Variants in WIPF3 observed in about 807,000 individuals in gnomAD.
WIPF3 encodes the protein WAS/WASL-interacting protein family member 3.
In WIPF3, 33 loss-of-function variants were observed where a neutral mutation model predicts 38.9. The ratio of observed to expected loss-of-function variants is 0.85; its 90% confidence interval spans 0.64 to 1.14. The LOEUF (loss-of-function observed/expected upper bound fraction) is 1.14, where lower values mean the gene tolerates loss of function less well. WIPF3 is among the 50% of genes most tolerant of loss of function. The pLI is 0.00. For missense variants in WIPF3, 711 were observed against 652.5 expected (o/e 1.09, Z -0.98); for synonymous variants, 324 against 269.3 (o/e 1.20, Z -1.99).
intron 4 of WIPF3, among the ~76,000 whole-genome samples, chr7:29,880,280 TCTAA>T (rs1405608369): frequency 2.0e-5 from 3 of 152,202 alleles, no homozygotes; most frequent in Non-Finnish European, 4.4e-5. Context: ...ATGCGACTTT[TCTAA>T]CTTTTTCAGT....
chr7:29,876,281 A>G (rs1232615536), intron 3 of WIPF3, among the ~76,000 whole-genome samples: 3 of 152,264 alleles, frequency 2.0e-5, no homozygotes, highest in Non-Finnish European at 2.9e-5. Context: ...GTGTTCAATC[A>G]GTGCCAATTA....
rs1485777166 is a variant in WIPF3, at chr7:29,817,772, C to T, written c.-58+11094C>T. ...TATGGCTTTATTATTTGTTTATTAT[C>T]CAATGATTTTATTTTTCCATGTAAA... is the stretch of plus-strand genomic sequence containing the variant. On this transcript the variant is annotated intron_variant, in intron 1 of 8. Transcript: ENST00000242140. Among the ~76,000 whole-genome samples, 3 of 152,084 alleles carry T rather than the reference C, an allele frequency of 2.0e-5. No individual in the cohort carries two copies. The South Asian group carries it at 6.2e-4, about 32-fold the overall frequency.
At chr7:29,903,529 A>G (rs2128080537) in intron 7 of WIPF3, among the ~76,000 whole-genome samples, 1 of 151,966 alleles carries the variant, frequency 6.6e-6, no homozygotes, top group Admixed American at 6.5e-5. Context: ...CTAGTTCATG[A>G]CAGAAACAGA....
chr7:29,834,729 C>T lies in WIPF3; in HGVS notation c.5C>T (p.Pro2Leu), dbSNP rs563114242. 5.3e-6 allele frequency: 8 copies of T among 1,513,618 alleles called. No individual in the cohort carries two copies. In the East Asian group the frequency reaches 1.0e-4, roughly 19 times the overall value. 93.8% of individuals were successfully genotyped at this position (1,513,618 alleles called of 1,614,324 possible). The change falls in exon 2 of 9, where the codon CCA becomes CTA. Residue 2 changes from proline to leucine, a missense_variant. Transcript: ENST00000242140. ...GAGACATCAACACCGTGACACATGCCAGTGCCACCGCCACCCCCACCTCCT... is the reference window on the plus strand; with the variant it reads ...GAGACATCAACACCGTGACACATGCTAGTGCCACCGCCACCCCCACCTCCT... MPVPPPPPPPLP... is the reference protein window; with the variant it reads MLVPPPPPPPLP...
intron 1 of WIPF3, among the ~76,000 whole-genome samples, chr7:29,817,125 T>C (rs967255965): frequency 1.3e-5 from 2 of 152,230 alleles, no homozygotes; most frequent in Non-Finnish European, 2.9e-5. Flanking sequence ...TCTTTGAATG[T>C]GTTTAATTGC....
intron 8 of WIPF3, 65 bp from the exon 9 acceptor site, chr7:29,914,428 A>G: frequency 7.6e-7 from 1 of 1,319,476 alleles, no homozygotes; most frequent in Non-Finnish European, 1.0e-6. Flanking sequence ...GGGGTGGAGG[A>G]GGAAGGCTTT....
At chr7:29,893,262 T>C (rs1041382922) in intron 7 of WIPF3, among the ~76,000 whole-genome samples, 1 of 151,028 alleles carries the variant, frequency 6.6e-6, no homozygotes, top group Admixed American at 6.6e-5. Context: ...GGGGAGGTGA[T>C]GGGATTCCTG....
chr7:29,813,939 G>C (rs1426825418), intron 1 of WIPF3, among the ~76,000 whole-genome samples: 2 of 102,078 alleles, frequency 2.0e-5, no homozygotes, highest in Non-Finnish European at 4.2e-5. Context: ...TTTTTTTTTT[G>C]AGACAGGGTT....
intron 8 of WIPF3, among the ~76,000 whole-genome samples, chr7:29,908,461 G>A (rs1050221293): frequency 4.6e-5 from 7 of 152,264 alleles, no homozygotes; most frequent in African/African-American, 1.4e-4. Context: ...GATAAGGAAA[G>A]AAATAGAGAA....
At chr7:29,881,256 C>G (rs1254853800) in intron 4 of WIPF3, among the ~76,000 whole-genome samples, 1 of 152,198 alleles carries the variant, frequency 6.6e-6, no homozygotes, top group Non-Finnish European at 1.5e-5. Context: ...CATGTATTCA[C>G]TGGTTTATCT....
chr7:29,903,880 T>C (rs1053575216), intron 7 of WIPF3, among the ~76,000 whole-genome samples: 1 of 152,200 alleles, frequency 6.6e-6, no homozygotes, highest in African/African-American at 2.4e-5. Flanking sequence ...TGTGTAATAC[T>C]TAAGCACAGC....
chr7:29,883,070 A>C (rs1473675328), intron 4 of WIPF3, among the ~76,000 whole-genome samples: 1 of 152,254 alleles, frequency 6.6e-6, no homozygotes, highest in Non-Finnish European at 1.5e-5. Flanking sequence ...GACGTGCTCC[A>C]CCTGAGTCTT....
intron 8 of WIPF3, among the ~76,000 whole-genome samples, chr7:29,908,500 T>C (rs1320264833): frequency 6.6e-6 from 1 of 152,140 alleles, no homozygotes; most frequent in Non-Finnish European, 1.5e-5. Flanking sequence ...AACAGACATA[T>C]ACAGTACAGT....
chr7:29,909,312 A>G (rs938622388), intron 8 of WIPF3, among the ~76,000 whole-genome samples: 2 of 152,196 alleles, frequency 1.3e-5, no homozygotes, highest in Non-Finnish European at 2.9e-5. Flanking sequence ...ACAGAGATCA[A>G]TGAAATAGAG....
intron 2 of WIPF3, among the ~76,000 whole-genome samples, chr7:29,846,267 A>T (rs1297982355): frequency 1.3e-5 from 2 of 152,244 alleles, no homozygotes; most frequent in Non-Finnish European, 2.9e-5. Context: ...AAAAATTCAC[A>T]GAAAGGAACA....
intron 1 of WIPF3, among the ~76,000 whole-genome samples, chr7:29,814,709 T>C (rs174923): frequency 0.3 from 45,878 of 152,106 alleles, 8,093 homozygotes; most frequent in Middle Eastern, 0.46. Context: ...TTTTGGGGGA[T>C]GAGAGATAGT....
chr7:29,863,415 T>C (rs548464962), intron 2 of WIPF3, among the ~76,000 whole-genome samples: 1 of 152,384 alleles, frequency 6.6e-6, no homozygotes, highest in African/African-American at 2.4e-5. Flanking sequence ...AGTTTTCATA[T>C]GAACATAAAT....
At chr7:29,902,023 G>A (rs1049770163) in intron 7 of WIPF3, among the ~76,000 whole-genome samples, 4 of 151,988 alleles carry the variant, frequency 2.6e-5, no homozygotes, top group Admixed American at 6.6e-5. Flanking sequence ...GGGCTGGGGT[G>A]TGCAACTGGC....
Position 29,888,151 on chromosome 7 carries a change from G to A in WIPF3, c.1183G>A (p.Ala395Thr), listed in dbSNP as rs1394050239. The A allele has an allele frequency of 1.2e-6, 2 of 1,613,584 alleles. No individual in the cohort carries two copies. The highest frequency in any genetic ancestry group is 1.7e-6 in the Non-Finnish European group (2 of 1,179,802). Residue 395 changes from alanine to threonine, a missense_variant, in exon 6 of 9, where the codon GCC becomes ACC. Ala to Thr is a moderately conservative substitution (Grantham distance 58). Transcript: ENST00000242140. Reference sequence around the variant, plus strand: ...AGAGCTTTCAAGCAAGAGCCAGCAGGCCACAGCCTGGACCCCGACGCAGCA... The same window carrying A: ...AGAGCTTTCAAGCAAGAGCCAGCAGACCACAGCCTGGACCCCGACGCAGCA... ...TTELSSKSQQ[A>T]TAWTPTQQPG... is the part of the protein sequence containing the mutation.
Sources: allele counts gnomAD v4.1 joint callset (sites outside exome capture counted in the v4.1 genomes callset), GRCh38; gene constraint gnomAD v4.1.1; transcripts MANE v1.5; gene names NCBI Gene and HGNC (gene_info 2026-07-23, HGNC 2026-07-21).